Variants in PUM1 observed in about 807,000 individuals in gnomAD.
PUM1 encodes pumilio RNA binding family member 1.
PUM1 carries 13 observed loss-of-function variants against 131.8 expected under a neutral mutation model. That is an observed-to-expected ratio of 0.10 (90% CI 0.06 to 0.16). The LOEUF is 0.16. Among genes scored for constraint, PUM1 ranks in the 10% least tolerant of loss-of-function variants. The probability of loss-of-function intolerance (pLI) is 1.00; values close to 1 mark genes in which losing one functional copy is unlikely to be tolerated. For missense variants in PUM1, 961 were observed against 1,512.4 expected (o/e 0.64, Z 6.05); for synonymous variants, 509 against 556.5 (o/e 0.91, Z 1.20).
chr1:31,018,362 T>TA (rs1410628212), intron 3 of PUM1, among the ~76,000 whole-genome samples: 5 of 147,978 alleles, frequency 3.4e-5, no homozygotes, highest in East Asian at 4.0e-4. Flanking sequence ...AAAATAAAAA[T>TA]GAAAAAAATT....
chr1:30,970,304 T>G (rs1321294968), intron 10 of PUM1, among the ~76,000 whole-genome samples: 1 of 152,220 alleles, frequency 6.6e-6, no homozygotes, highest in Non-Finnish European at 1.5e-5. Context: ...ATTTGTTAAG[T>G]GAGTATAAGG....
intron 2 of PUM1, among the ~76,000 whole-genome samples, chr1:31,038,060 T>C (rs559414630): frequency 6.5e-4 from 94 of 143,786 alleles, no homozygotes; most frequent in African/African-American, 2.2e-3. Flanking sequence ...GCCTCGGAAA[T>C]AGAGTGAGAC....
At chr1:31,042,870 T>C (rs1357375958) in intron 2 of PUM1, among the ~76,000 whole-genome samples, 1 of 152,200 alleles carries the variant, frequency 6.6e-6, no homozygotes, top group Non-Finnish European at 1.5e-5. Context: ...AGTCAAGCCA[T>C]TACAGGCATG....
rs779524509 is a variant in PUM1, at chr1:30,953,885, G to A, written c.2420C>T (p.Pro807Leu). 7.4e-6 allele frequency: 12 copies of A among 1,614,072 alleles called. No homozygotes were observed. Among genetic ancestry groups the A allele is most frequent in the Non-Finnish European group, 8.5e-6 (10 of 1,180,046 alleles). Reference protein sequence around the residue: ...SASSASSLFSPSSTLFSSSRL... With the variant: ...SASSASSLFSLSSTLFSSSRL... ...AGAGGAAGAGAAAAGAGTGCTGCTC[G>A]GGCTGAAGAGGCTGGAGGCGCTGCT... Residue 807 changes from proline (P) to leucine (L), a missense_variant, in exon 15 of 22, where the codon CCG (proline) becomes CTG (leucine). Pro to Leu is a moderately conservative substitution (Grantham distance 98). This residue lies in a region of PUM1 where 117 missense variants were observed against 200.7 expected (regional missense o/e 0.58). Coordinates refer to ENST00000426105, the MANE Select transcript of PUM1 (RefSeq NM_001020658.2).
chr1:31,062,333 T>C (rs1644385392), intron 1 of PUM1, among the ~76,000 whole-genome samples: 1 of 152,038 alleles, frequency 6.6e-6, no homozygotes, highest in East Asian at 1.9e-4. Context: ...TAAAAAATGC[T>C]ACAAAGTGTC....
intron 2 of PUM1, among the ~76,000 whole-genome samples, chr1:31,047,768 C>A (rs570245292): frequency 6.6e-6 from 1 of 152,238 alleles, no homozygotes; most frequent in African/African-American, 2.4e-5. Context: ...ACGGTGAAAC[C>A]CCATCTCTAC....
At chr1:30,952,450 GT>G in intron 15 of PUM1, 87 bp from the exon 16 acceptor site, 1 of 1,587,816 alleles carries the variant, frequency 6.3e-7, no homozygotes, top group Non-Finnish European at 8.6e-7. Flanking sequence ...GACTGCATCC[GT>G]TCTGAAACAT....
chr1:31,053,932 TA>T (rs1644172720), intron 2 of PUM1, among the ~76,000 whole-genome samples: 1 of 151,666 alleles, frequency 6.6e-6, no homozygotes, highest in South Asian at 2.1e-4. Context: ...TTGTTTCTAC[TA>T]AAAATACAAA....
chr1:31,059,556 G>A lies in PUM1; in HGVS notation c.11C>T (p.Ala4Val). The change falls in exon 2 of 22, where the codon GCA (alanine) becomes GTA (valine). Residue 4 changes from alanine to valine, a missense_variant. Ala to Val is a moderately conservative substitution (Grantham distance 64). Around this residue, in one of 4 missense-constraint regions of PUM1, gnomAD observed 654 missense variants for 923.9 expected, o/e 0.71. Transcript: ENST00000426105. MSVACVLKRKAVLW... is the reference protein window; with the variant it reads MSVVCVLKRKAVLW... ...CACTGCTTTTCTCTTCAAGACACAT[G>A]CAACGCTCATTCCACCAACACCTAA... 1 of 1,609,712 alleles carries A rather than the reference G, an allele frequency of 6.2e-7. No homozygotes were observed. The highest frequency in any genetic ancestry group is 8.5e-7 in the Non-Finnish European group (1 of 1,177,886).
chr1:31,005,796 AGAGAG>A, intron 5 of PUM1, 52 bp downstream of exon 5: 7 of 121,592 alleles, frequency 5.8e-5, no homozygotes, highest in Admixed American at 2.0e-4. Flanking sequence ...AAAAAAAGAG[AGAGAG>A]AGAGAGAGAG....
chr1:31,018,694 T>C (rs1642913162), intron 3 of PUM1, among the ~76,000 whole-genome samples: 1 of 152,024 alleles, frequency 6.6e-6, no homozygotes, highest in African/African-American at 2.4e-5. Flanking sequence ...ATAAAAGCTA[T>C]AAATTTCAGA....
chr1:30,949,317 T>C (rs1639826244), intron 17 of PUM1: 1 of 334,958 alleles, frequency 3.0e-6, no homozygotes, highest in Non-Finnish European at 5.8e-6. Context: ...CAAACACAAC[T>C]GTAGCACACC....
At position 31,009,598 on chromosome 1, in the gene PUM1, C is replaced by A. The variant is rs6689938; in HGVS notation, c.433-2496G>T. On this transcript the variant is annotated intron_variant, in intron 3 of 21. Transcript: ENST00000426105. ...ATGGCCAACATGGCAAGATCCCCGT[C>A]TCTACTAAAAAACTCAAAAATTAGC... Among the ~76,000 whole-genome samples, 1,274 of 151,892 alleles carry A rather than the reference C, an allele frequency of 8.4e-3. 7 individuals are homozygous for A. The highest frequency in any genetic ancestry group is 0.031 in the Middle Eastern group (9 of 294).
intron 5 of PUM1, among the ~76,000 whole-genome samples, chr1:31,002,627 G>A (rs548339431): frequency 6.6e-6 from 1 of 152,026 alleles, no homozygotes; most frequent in Non-Finnish European, 1.5e-5. Context: ...GGGGCTGTGG[G>A]GTGAGCACCT....
chr1:31,030,847 C>G (rs1169189995), intron 2 of PUM1, among the ~76,000 whole-genome samples: 2 of 152,172 alleles, frequency 1.3e-5, no homozygotes, highest in Non-Finnish European at 2.9e-5. Context: ...TAAAAACGCA[C>G]AGCCAATACT....
intron 6 of PUM1, 74 bp downstream of exon 6, chr1:30,994,980 A>T: frequency 6.7e-7 from 1 of 1,501,700 alleles, no homozygotes; most frequent in Non-Finnish European, 9.0e-7. Flanking sequence ...AACGAAAATC[A>T]AAGTAAAACT....
chr1:31,054,530 G>A (rs1391399750), intron 2 of PUM1, among the ~76,000 whole-genome samples: 11 of 119,144 alleles, frequency 9.2e-5, no homozygotes, highest in African/African-American at 2.5e-4. Flanking sequence ...ATGCCAAAGG[G>A]CCACTAAAAA....
chr1:31,052,441 T>C (rs1398675180), intron 2 of PUM1, among the ~76,000 whole-genome samples: 2 of 152,018 alleles, frequency 1.3e-5, no homozygotes, highest in Non-Finnish European at 2.9e-5. Context: ...AGGATCTCAC[T>C]GTCACACAGG....
intron 5 of PUM1, among the ~76,000 whole-genome samples, chr1:31,001,261 G>C (rs1330655236): frequency 6.6e-6 from 1 of 152,072 alleles, no homozygotes; most frequent in Non-Finnish European, 1.5e-5. Flanking sequence ...CCCAGCTACT[G>C]GGGAGGCAGG....
Sources: gnomAD v4.1 joint callset for allele counts (sites outside exome capture counted in the v4.1 genomes callset) on GRCh38, gnomAD v4.1.1 for gene constraint, gnomAD v4.1.1 regional missense constraint, MANE v1.5 for transcripts, NCBI Gene and HGNC (gene_info 2026-07-23, HGNC 2026-07-21) for gene names.